STIP1: variants seen among roughly 807,000 people sequenced by gnomAD.
STIP1 encodes stress-induced-phosphoprotein 1.
Under a neutral mutation model 77.4 loss-of-function variants are expected in STIP1, and 16 were observed. The ratio of observed to expected loss-of-function variants is 0.21; its 90% confidence interval spans 0.14 to 0.31. The LOEUF (loss-of-function observed/expected upper bound fraction) is 0.31. STIP1 is among the 10% of genes least tolerant of loss of function. The pLI is 1.00. For synonymous variants in STIP1, 258 were observed against 246.6 expected (o/e 1.05, Z -0.44); for missense variants, 524 against 684.8 (o/e 0.77, Z 2.62).
At chr11:64,186,011 G>A (rs767251639), upstream of STIP1, 419 of 1,544,162 alleles carry the variant, frequency 2.7e-4, no homozygotes, top group Non-Finnish European at 3.4e-4. Flanking sequence ...CTGAGGTGCG[G>A]GGGAGGCAGG....
intron 1 of STIP1, among the ~76,000 whole-genome samples, chr11:64,187,496 T>G (rs957388716): frequency 4.6e-5 from 7 of 152,190 alleles, no homozygotes; most frequent in African/African-American, 1.7e-4. Flanking sequence ...ATCCTTTTTT[T>G]GGTGTGAGCT....
rs61734556 is a variant in STIP1, at chr11:64,202,908, C to T, written c.1278C>T (p.Thr426=). The change falls in exon 11 of 14, where the codon ACC becomes ACT. Residue 426 remains threonine (T), a synonymous_variant. Coordinates refer to ENST00000305218, the MANE Select transcript of STIP1 (RefSeq NM_006819.3). ...DCEECIQLEP[T]FIKGYTRKAA... ...AGGAATGTATCCAGCTGGAGCCGAC[C>T]TTCAGTAAGTGCCTTTCTGCTGCCT... is the stretch of plus-strand genomic sequence containing the variant. The T allele has an allele frequency of 6.2e-7, 1 of 1,614,198 alleles. No homozygotes were observed. Among genetic ancestry groups the T allele is most frequent in the East Asian group, 2.2e-5 (1 of 44,878 alleles).
chr11:64,185,854 G>C, upstream of STIP1: 1 of 1,536,160 alleles, frequency 6.5e-7, no homozygotes, highest in Non-Finnish European at 8.7e-7. Flanking sequence ...TGGGAGAGGT[G>C]GAAATTTCCA....
intron 1 of STIP1, among the ~76,000 whole-genome samples, 195 bp from the exon 2 acceptor site, chr11:64,192,883 C>A (rs919355495): frequency 6.6e-6 from 1 of 152,176 alleles, no homozygotes; most frequent in Non-Finnish European, 1.5e-5. Context: ...GGGCTCTTTG[C>A]CCCTGCTTAT....
intron 9 of STIP1, 42 bp from the exon 10 acceptor site, chr11:64,200,127 C>A: frequency 6.2e-7 from 1 of 1,610,552 alleles, no homozygotes; most frequent in South Asian, 1.1e-5. Flanking sequence ...CACATGGGGG[C>A]TTTTTGCTTT....
chr11:64,195,153 C>T (rs1946134585), intron 4 of STIP1, among the ~76,000 whole-genome samples: 1 of 147,804 alleles, frequency 6.8e-6, no homozygotes, highest in Non-Finnish European at 1.5e-5. Context: ...TCGCTCTGTC[C>T]CCTAGGCTGG....
rs181853987 is a variant in STIP1 at position 64,202,663 on chromosome 11, C to T, written c.1246-213C>T. On this transcript the variant is annotated intron_variant, in intron 10 of 13. Transcript: ENST00000305218. ...AGTTTCTCAAACTGGAATTGTCCCC[C>T]GCTATGTGTTTTTCATAACATCAGC... 172 of 593,676 alleles carry T rather than the reference C, an allele frequency of 2.9e-4. No homozygotes were observed. In the East Asian group the frequency reaches 3.1e-3, roughly 11 times the overall value. 36.8% of individuals were successfully genotyped at this position (593,676 alleles called of 1,614,324 possible).
At chr11:64,186,110 TCC>T, upstream of STIP1, 1 of 1,550,406 alleles carries the variant, frequency 6.4e-7, no homozygotes. Context: ...GCACAGACAT[TCC>T]CCCTAGAAGA....
At chr11:64,197,454 A>G in intron 6 of STIP1, 39 bp from the exon 7 acceptor site, 1 of 1,614,150 alleles carries the variant, frequency 6.2e-7, no homozygotes, top group East Asian at 2.2e-5. Context: ...GGGAGGAAGC[A>G]AAGACTGACT....
At chr11:64,193,365 G>A in intron 2 of STIP1, 78 bp downstream of exon 2, 1 of 1,326,668 alleles carries the variant, frequency 7.5e-7, no homozygotes, top group African/African-American at 1.4e-5. Context: ...AGGTTTACCT[G>A]TCCTGATACA....
intron 1 of STIP1, among the ~76,000 whole-genome samples, chr11:64,186,746 G>A (rs1189385004): frequency 6.6e-6 from 1 of 152,246 alleles, no homozygotes; most frequent in African/African-American, 2.4e-5. Context: ...CGGATCCAGG[G>A]AGCGGGGACG....
intron 1 of STIP1, 72 bp downstream of exon 1, chr11:64,186,342 GGC>G: frequency 8.6e-6 from 11 of 1,281,596 alleles, no homozygotes; most frequent in Admixed American, 5.5e-5. Context: ...GCGGTAGGGG[GGC>G]GGGGCGGGCG....
intron 8 of STIP1, among the ~76,000 whole-genome samples, chr11:64,199,487 A>G (rs1370688216): frequency 5.3e-5 from 7 of 131,658 alleles, no homozygotes; most frequent in Non-Finnish European, 9.5e-5. Context: ...AGCCTGGGCG[A>G]CAGAGCGAGA....
upstream of STIP1, chr11:64,185,869 G>A: frequency 6.5e-7 from 1 of 1,536,202 alleles, no homozygotes; most frequent in Non-Finnish European, 8.7e-7. Context: ...TTTCCAGAAC[G>A]ATCAGAACCA....
intron 4 of STIP1, among the ~76,000 whole-genome samples, chr11:64,195,333 C>G (rs1294861338): frequency 6.6e-6 from 1 of 152,162 alleles, no homozygotes; most frequent in Non-Finnish European, 1.5e-5. Flanking sequence ...CTAGGCTGGT[C>G]TCAAACTCCT....
In STIP1 at chr11:64,195,641, C is replaced by G. The variant is rs1317067173; in HGVS notation, c.504-4C>G. 2 of 1,594,904 alleles carry G rather than the reference C, an allele frequency of 1.3e-6. No individual in the cohort carries two copies. Among genetic ancestry groups the G allele is most frequent in the South Asian group, 2.3e-5 (2 of 87,272 alleles). ...TTTTCTTTATTTTTTTAAATCAATA[C>G]TAGGAAACTACAAGATCCCCGGATC... On this transcript the variant is annotated splice_polypyrimidine_tract_variant and splice_region_variant and intron_variant, in intron 4 of 13. Coordinates refer to ENST00000305218, the MANE Select transcript of STIP1 (RefSeq NM_006819.3).
At chr11:64,192,988 T>A (rs1946109421) in intron 1 of STIP1, 90 bp from the exon 2 acceptor site, 29 of 1,231,480 alleles carry the variant, frequency 2.4e-5, no homozygotes, top group South Asian at 5.2e-5. Context: ...ATTTATTTGT[T>A]GGTAACTACA....
chr11:64,185,650 G>GC, upstream of STIP1: 1 of 847,630 alleles, frequency 1.2e-6, no homozygotes, highest in Non-Finnish European at 1.8e-6. Context: ...CAACCCAGAG[G>GC]CCCCGCAGCC....
chr11:64,203,934 C>T, intron 13 of STIP1, 120 bp from the exon 14 acceptor site: 2 of 1,248,920 alleles, frequency 1.6e-6, no homozygotes, highest in Non-Finnish European at 1.2e-6. Flanking sequence ...CGCCCCGGGC[C>T]TCGCCAGGAC....
Sources: gnomAD v4.1 joint callset for allele counts (sites outside exome capture counted in the v4.1 genomes callset) on GRCh38, gnomAD v4.1.1 for gene constraint, MANE v1.5 for transcripts, NCBI Gene and HGNC (gene_info 2026-07-23, HGNC 2026-07-21) for gene names.